The following MEGF10 variants were observed in gnomAD, a reference collection of about 807,000 sequenced individuals.
MEGF10 encodes the protein multiple epidermal growth factor-like domains protein 10.
MEGF10 carries 86 observed loss-of-function variants against 147.5 expected under a neutral mutation model. The observed-to-expected ratio is 0.58, with a 90% CI of 0.49 to 0.70. MEGF10 has a LOEUF of 0.70. Among genes scored for constraint, MEGF10 ranks in the 30% least tolerant of loss-of-function variants. The pLI, the probability that MEGF10 is intolerant of heterozygous loss-of-function variation, is 0.00. For missense variants in MEGF10, 1,329 were observed against 1,487.3 expected, an observed-to-expected ratio of 0.89 and a Z score of 1.75; for synonymous variants, 478 against 525.5, an observed-to-expected ratio of 0.91 and a Z score of 1.24.
the MEGF10 span, among the ~76,000 whole-genome samples, chr5:127,271,171 T>G: frequency 3.3e-5 from 5 of 152,212 alleles, no homozygotes; most frequent in African/African-American, 1.2e-4. Flanking sequence ...TAATTTACAC[T>G]CCTACCAAGA....
chr5:127,438,404 A>G, intron 16 of MEGF10, 35 bp from the exon 17 acceptor site: 1 of 1,609,614 alleles, frequency 6.2e-7, no homozygotes, highest in African/African-American at 1.3e-5. Context: ...TTGGCCTCAG[A>G]ACTCTGATGG....
At chr5:127,420,291 C>A in intron 12 of MEGF10, 84 bp downstream of exon 12, 12 of 1,473,188 alleles carry the variant, frequency 8.1e-6, no homozygotes, top group Non-Finnish European at 1.1e-5. Context: ...TTTTTCCTGA[C>A]TTCAAGTGGC....
chr5:127,377,797 G>A (rs920898484), intron 5 of MEGF10, among the ~76,000 whole-genome samples: 4 of 152,210 alleles, frequency 2.6e-5, no homozygotes, highest in Non-Finnish European at 5.9e-5. Context: ...AGTAGACGCT[G>A]GGAGCCCAGT....
intron 1 of MEGF10, among the ~76,000 whole-genome samples, chr5:127,308,905 A>T (rs1447630450): frequency 6.6e-6 from 1 of 152,176 alleles, no homozygotes; most frequent in Non-Finnish European, 1.5e-5. Flanking sequence ...AATACAAAAA[A>T]ATTAAAATAA....
the MEGF10 span, among the ~76,000 whole-genome samples, chr5:127,277,219 T>A: frequency 2.0e-5 from 3 of 152,190 alleles, no homozygotes; most frequent in African/African-American, 7.2e-5. Context: ...GGCTCCTAGC[T>A]CAGTTCCTCA....
intron 1 of MEGF10, among the ~76,000 whole-genome samples, chr5:127,293,081 A>G (rs763897966): frequency 1.3e-5 from 2 of 152,204 alleles, no homozygotes; most frequent in Non-Finnish European, 2.9e-5. Context: ...CCATTTAGGC[A>G]TCAGTTTTAT....
rs899130683 is a variant in MEGF10, at chr5:127,442,909, C to G, written c.2363-89C>G. 3.4e-5 allele frequency: 47 copies of G among 1,396,920 alleles called. No individual in the cohort carries two copies. In the African/African-American group the frequency reaches 6.5e-4, roughly 19 times the overall value. The allele number at this position is 1,396,920 out of a possible 1,614,324, so 86.5% of individuals were successfully genotyped here. ...TCAATAGGAATCCCCTGAAAGGACT[C>G]AGCTCTAGATGTGCAGGGCTTGCAG... On this transcript the variant is annotated intron_variant, in intron 18 of 24. Transcript: ENST00000503335.
intron 1 of MEGF10, among the ~76,000 whole-genome samples, chr5:127,318,454 C>G (rs1760653083): frequency 6.6e-6 from 1 of 152,154 alleles, no homozygotes; most frequent in African/African-American, 2.4e-5. Context: ...AAATGATAAA[C>G]AGTTTTAAAT....
chr5:127,239,108 C>T, the MEGF10 span, among the ~76,000 whole-genome samples: 1 of 152,050 alleles, frequency 6.6e-6, no homozygotes, highest in Non-Finnish European at 1.5e-5. Context: ...GGCCAGGACC[C>T]TTCACAGGCA....
At chr5:127,430,726 C>T (rs1561642639) in intron 13 of MEGF10, among the ~76,000 whole-genome samples, 1 of 152,094 alleles carries the variant, frequency 6.6e-6, no homozygotes, top group Non-Finnish European at 1.5e-5. Flanking sequence ...GAGGGTACAG[C>T]AAGAGGAGGA....
At chr5:127,380,466 T>G (rs1763207635) in intron 5 of MEGF10, among the ~76,000 whole-genome samples, 1 of 152,034 alleles carries the variant, frequency 6.6e-6, no homozygotes, top group Non-Finnish European at 1.5e-5. Context: ...TTCTGTGGCT[T>G]CAGGACGCAC....
At chr5:127,381,172 T>G (rs1300088822) in intron 5 of MEGF10, among the ~76,000 whole-genome samples, 2 of 152,192 alleles carry the variant, frequency 1.3e-5, no homozygotes, top group Non-Finnish European at 1.5e-5. Flanking sequence ...GTTGTTAAAT[T>G]TGTACCCAAA....
chr5:127,285,066 T>C, the MEGF10 span, among the ~76,000 whole-genome samples: 2 of 152,184 alleles, frequency 1.3e-5, no homozygotes, highest in Admixed American at 6.5e-5. Context: ...ATTGTAGAAT[T>C]TATCAGCAGT....
At chr5:127,435,255 T>G in intron 15 of MEGF10, 106 bp from the exon 16 acceptor site, 35 of 1,332,714 alleles carry the variant, frequency 2.6e-5, no homozygotes, top group Non-Finnish European at 3.2e-5. Flanking sequence ...TAGCTACCAA[T>G]GAGCAGCTGG....
At chr5:127,391,102 G>GCGCGCGCACACACA (rs1426600414) in intron 5 of MEGF10, among the ~76,000 whole-genome samples, 3 of 53,890 alleles carry the variant, frequency 5.6e-5, no homozygotes, top group Non-Finnish European at 1.0e-4. Flanking sequence ...GCGCGCGCGC[G>GCGCGCGCACACACA]CACACACACA....
the MEGF10 span, among the ~76,000 whole-genome samples, chr5:127,253,423 G>T: frequency 1.3e-5 from 2 of 151,946 alleles, no homozygotes; most frequent in Admixed American, 6.6e-5. Context: ...CAATTATTAT[G>T]ATTATTAAAG....
chr5:127,362,416 C>T lies in MEGF10; in HGVS notation c.320-7494C>T, dbSNP rs1580764036. ...ACGGAGTCTTGCTCTGTCACCCAGA[C>T]TGGAGTTCAGTGGCGCGATCTCGGC... On this transcript the variant is annotated intron_variant, in intron 4 of 24. Transcript: ENST00000503335. Among the ~76,000 whole-genome samples, 3 of 149,818 alleles carry T rather than the reference C, an allele frequency of 2.0e-5. No individual in the cohort carries two copies. The South Asian group carries it at 6.4e-4, about 32-fold the overall frequency.
chr5:127,409,052 G>T (rs1764447187), intron 8 of MEGF10, among the ~76,000 whole-genome samples: 1 of 152,128 alleles, frequency 6.6e-6, no homozygotes, highest in African/African-American at 2.4e-5. Context: ...ACTCCAGTCT[G>T]GGTGATAGAG....
At chr5:127,410,695 A>T in intron 9 of MEGF10, 94 bp downstream of exon 9, 1 of 1,179,598 alleles carries the variant, frequency 8.5e-7, no homozygotes, top group Non-Finnish European at 1.2e-6. Context: ...AGTGATTCTC[A>T]CCCCAAGCCC....
Sources: gnomAD v4.1 joint callset for allele counts (sites outside exome capture counted in the v4.1 genomes callset) on GRCh38, gnomAD v4.1.1 for gene constraint, MANE v1.5 for transcripts, NCBI Gene and HGNC (gene_info 2026-07-23, HGNC 2026-07-21) for gene names.